The following GPR157 variants were observed in gnomAD, a reference collection of about 807,000 sequenced individuals.
GPR157 encodes the protein G protein-coupled receptor 157, also known as G-protein coupled receptor 157.
In GPR157, 16 loss-of-function variants were observed where a neutral mutation model predicts 23.5. That is an observed-to-expected ratio of 0.68 (90% CI 0.46 to 1.04). GPR157 has a LOEUF of 1.04. Among genes scored for constraint, GPR157 ranks in the 50% least tolerant of loss-of-function variants. The probability of loss-of-function intolerance (pLI) is 0.00; values close to 1 mark genes in which losing one functional copy is unlikely to be tolerated. For synonymous variants in GPR157, 200 were observed against 221.5 expected, an observed-to-expected ratio of 0.90 and a Z score of 0.86; for missense variants, 440 against 460.7, an observed-to-expected ratio of 0.96 and a Z score of 0.41.
In GPR157 at chr1:9,100,837, A is replaced by T. The variant is rs1387330073; in HGVS notation, c.*3582T>A. 1 of 134,572 alleles carries T rather than the reference A, an allele frequency of 7.4e-6. No individual in the cohort carries two copies. Among genetic ancestry groups the T allele is most frequent in the East Asian group, 2.2e-4 (1 of 4,632 alleles). 8.3% of individuals were successfully genotyped at this position (134,572 alleles called of 1,614,324 possible). On this transcript the variant is annotated 3_prime_UTR_variant, in exon 4 of 4. Coordinates refer to ENST00000377411, the MANE Select transcript of GPR157 (RefSeq NM_024980.5). ...GAGATCTGACTGGGCAACATGGCAA[A>T]ACCTTGTCTCTACAAAAAGTCAAAA...
At chr1:9,121,438 G>A (rs2124525047) in intron 1 of GPR157, among the ~76,000 whole-genome samples, 1 of 151,964 alleles carries the variant, frequency 6.6e-6, no homozygotes, top group Admixed American at 6.6e-5. Flanking sequence ...AGGAGTTTGA[G>A]ACCAGCCTGG....
rs1235474652 is a variant in GPR157 at position 9,105,418 on chromosome 1, G to A, written c.792+68C>T. On this transcript the variant is annotated intron_variant, in intron 3 of 3. Coordinates refer to ENST00000377411, the MANE Select transcript of GPR157 (RefSeq NM_024980.5). The surrounding 1 kb of genome is among the most constrained non-coding windows in gnomAD (Gnocchi z 4.8). ...GACACTGGGGTGCAGCCACTGTGCT[G>A]CGGGAAGGAATCAGGCTGTGCCTCC... The A allele has an allele frequency of 2.1e-6, 3 of 1,404,442 alleles. No individual in the cohort carries two copies. Among genetic ancestry groups the A allele is most frequent in the African/African-American group, 1.4e-5 (1 of 69,888 alleles). The allele number at this position is 1,404,442 out of a possible 1,614,324, so 87.0% of individuals were successfully genotyped here. A position where few individuals can be genotyped will look rare whatever the true frequency, so the allele number is the denominator to read the frequency against.
chr1:9,126,834 G>A (rs1638972125), intron 1 of GPR157, among the ~76,000 whole-genome samples: 1 of 152,074 alleles, frequency 6.6e-6, no homozygotes, highest in Admixed American at 6.6e-5. Flanking sequence ...TAAGATGCAG[G>A]CAGGTCACAT....
chr1:9,126,950 A>G (rs770020), intron 1 of GPR157, among the ~76,000 whole-genome samples: 119,151 of 151,594 alleles, frequency 0.79, 47,841 homozygotes, highest in East Asian at 0.97. Context: ...TCTGTCTGCA[A>G]TCATAGCTCA....
intron 1 of GPR157, among the ~76,000 whole-genome samples, chr1:9,117,850 TC>T (rs1161781813): frequency 6.6e-6 from 1 of 151,418 alleles, no homozygotes; most frequent in African/African-American, 2.4e-5. Context: ...TAACAGTTTT[TC>T]CCCCCTTCAT....
chr1:9,112,309 A>C (rs1323262749), intron 1 of GPR157, among the ~76,000 whole-genome samples: 1 of 152,114 alleles, frequency 6.6e-6, no homozygotes, highest in Non-Finnish European at 1.5e-5. Context: ...AGGCTCTAGG[A>C]GGGGGAACGT....
At chr1:9,111,853 T>C (rs11121325) in intron 1 of GPR157, among the ~76,000 whole-genome samples, 2 of 152,084 alleles carry the variant, frequency 1.3e-5, no homozygotes, top group African/African-American at 4.8e-5. Flanking sequence ...ACCTGTAATC[T>C]CAGCTACTTG....
rs1158457084 is a variant in GPR157, at chr1:9,101,784, T to C, written c.*2635A>G. ...TCCATCTGGGGAGCCATGTCTCAGC[T>C]CTGGCTTGGGTACAGCAGGGAGGGC... On this transcript the variant is annotated 3_prime_UTR_variant, in exon 4 of 4. Transcript: ENST00000377411. 1.3e-5 allele frequency: 2 copies of C among 152,264 alleles called. No individual in the cohort carries two copies. The highest frequency in any genetic ancestry group is 2.1e-4 in the South Asian group (1 of 4,832). 9.4% of individuals were successfully genotyped at this position (152,264 alleles called of 1,614,324 possible).
At chr1:9,124,550 C>T (rs975981692) in intron 1 of GPR157, among the ~76,000 whole-genome samples, 3 of 152,188 alleles carry the variant, frequency 2.0e-5, no homozygotes, top group African/African-American at 7.2e-5. Context: ...TGGGGTGTGC[C>T]TGTCCATATG....
At chr1:9,127,123 C>T (rs1345611250) in intron 1 of GPR157, among the ~76,000 whole-genome samples, 1 of 152,036 alleles carries the variant, frequency 6.6e-6, no homozygotes, top group Non-Finnish European at 1.5e-5. Flanking sequence ...AAGCGATGCT[C>T]CTGCCTCGGC....
intron 1 of GPR157, among the ~76,000 whole-genome samples, chr1:9,114,266 T>C (rs998992546): frequency 7.0e-6 from 1 of 142,264 alleles, no homozygotes; most frequent in Non-Finnish European, 1.5e-5. Context: ...GAGGTGGAGC[T>C]TGCAGTGAGC....
intron 1 of GPR157, among the ~76,000 whole-genome samples, chr1:9,117,815 C>A (rs948846383): frequency 4.0e-5 from 6 of 151,886 alleles, no homozygotes; most frequent in East Asian, 3.9e-4. Context: ...CAAAAAAAAC[C>A]CCCACAGTTC....
intron 2 of GPR157, among the ~76,000 whole-genome samples, chr1:9,106,640 C>A (rs1223848235): frequency 6.6e-6 from 1 of 152,242 alleles, no homozygotes; most frequent in Non-Finnish European, 1.5e-5. Context: ...TCAAGCAGCA[C>A]CTTCTGGATA....
In GPR157 at chr1:9,111,293, T is replaced by C; in HGVS notation, c.580A>G (p.Lys194Glu). The C allele has an allele frequency of 6.2e-7, 1 of 1,614,156 alleles. No homozygotes were observed. Residue 194 changes from lysine (K) to glutamate (E), a missense_variant, in exon 2 of 4, where the codon AAG becomes GAG. Transcript: ENST00000377411. ...LLPLLYLLVR[K>E]HINRAHTALS... ...GCGCCTACCGCTCTGTTGATGTGCT[T>C]CCGGACCAGGAGGTACAGCAGAGGC...
chr1:9,115,227 C>T (rs533919202), intron 1 of GPR157, among the ~76,000 whole-genome samples: 1 of 152,230 alleles, frequency 6.6e-6, no homozygotes, highest in South Asian at 2.1e-4. Context: ...TGCATGTATG[C>T]ATGTTTACAC....
chr1:9,115,337 T>A (rs895330105), intron 1 of GPR157, among the ~76,000 whole-genome samples: 1 of 152,222 alleles, frequency 6.6e-6, no homozygotes, highest in Non-Finnish European at 1.5e-5. Context: ...TTCTTTATTG[T>A]CCATTTCATG....
At chr1:9,112,576 C>T (rs903635266) in intron 1 of GPR157, among the ~76,000 whole-genome samples, 2 of 152,176 alleles carry the variant, frequency 1.3e-5, no homozygotes, top group Non-Finnish European at 2.9e-5. Context: ...CCTCAGCCTC[C>T]TAAGTAGCTG....
In GPR157 at chr1:9,103,602, C is replaced by G. The variant is rs184188955; in HGVS notation, c.*817G>C. On this transcript the variant is annotated 3_prime_UTR_variant, in exon 4 of 4. Transcript: ENST00000377411. ...GAAGAGGAGGATTCTAAGAAAGGAG[C>G]TGGAGAGACAGTGGGGTCTTCGGGG... 2 of 152,400 alleles carry G rather than the reference C, an allele frequency of 1.3e-5. No individual in the cohort carries two copies. Among genetic ancestry groups the G allele is most frequent in the African/African-American group, 2.4e-5 (1 of 41,588 alleles). 9.4% of individuals were successfully genotyped at this position (152,400 alleles called of 1,614,324 possible).
chr1:9,128,632 C>T lies in GPR157; in HGVS notation c.383+13G>A. On this transcript the variant is annotated intron_variant, in intron 1 of 3. Coordinates refer to ENST00000377411, the MANE Select transcript of GPR157 (RefSeq NM_024980.5). This position sits in a 1 kb window ranked among gnomAD's most constrained non-coding sequence, Gnocchi z 6.3. ...TCGGGGGCTCCTGGAAAAGCAGCGCCACCGCCACCCACCTGACGACATGGA... is the reference window on the plus strand; with the variant it reads ...TCGGGGGCTCCTGGAAAAGCAGCGCTACCGCCACCCACCTGACGACATGGA... 6.2e-7 allele frequency: 1 copy of T among 1,611,810 alleles called. No homozygotes were observed. Among genetic ancestry groups the T allele is most frequent in the Non-Finnish European group, 8.5e-7 (1 of 1,179,304 alleles).
Sources: allele counts gnomAD v4.1 joint callset (sites outside exome capture counted in the v4.1 genomes callset), GRCh38; gene constraint gnomAD v4.1.1; non-coding constraint Gnocchi (gnomAD v3.1); transcripts MANE v1.5; gene names NCBI Gene and HGNC (gene_info 2026-07-23, HGNC 2026-07-21).